CTNNA3: variants seen among roughly 807,000 people sequenced by gnomAD.
The protein encoded by CTNNA3 is catenin alpha-3.
CTNNA3 carries 76 observed loss-of-function variants against 95.7 expected under a neutral mutation model. That is an observed-to-expected ratio of 0.79 (90% confidence interval 0.66 to 0.96). The LOEUF (loss-of-function observed/expected upper bound fraction) is 0.96. CTNNA3 is among the 40% of genes least tolerant of loss of function. CTNNA3 has a pLI of 0.00. For synonymous variants in CTNNA3, 431 were observed against 374.4 expected, an observed-to-expected ratio of 1.15 and a Z score of -1.74; for missense variants, 1,191 against 1,089.8, an observed-to-expected ratio of 1.09 and a Z score of -1.31.
chr10:67,351,183 G>C (rs1328688724), intron 5 of CTNNA3, among the ~76,000 whole-genome samples: 1 of 151,952 alleles, frequency 6.6e-6, no homozygotes, highest in African/African-American at 2.4e-5. Context: ...CAGATGAGTG[G>C]GTGTCAGGTG....
At chr10:67,440,380 C>T (rs1172363043) in intron 5 of CTNNA3, among the ~76,000 whole-genome samples, 1 of 152,162 alleles carries the variant, frequency 6.6e-6, no homozygotes, top group African/African-American at 2.4e-5. Flanking sequence ...GGCTCCTAGA[C>T]AGCATCTCTG....
At chr10:66,811,459 G>A (rs1250650455) in intron 7 of CTNNA3, among the ~76,000 whole-genome samples, 1 of 152,206 alleles carries the variant, frequency 6.6e-6, no homozygotes, top group African/African-American at 2.4e-5. Flanking sequence ...AATCCATATG[G>A]CAGAATGCAT....
At chr10:67,608,330 G>T (rs1843347655) in intron 2 of CTNNA3, among the ~76,000 whole-genome samples, 1 of 152,094 alleles carries the variant, frequency 6.6e-6, no homozygotes, top group Admixed American at 6.6e-5. Flanking sequence ...TCTTAATGTA[G>T]ATTGCTGGCT....
chr10:66,004,108 C>A (rs554852229), intron 15 of CTNNA3, among the ~76,000 whole-genome samples: 14 of 152,244 alleles, frequency 9.2e-5, no homozygotes, highest in Admixed American at 8.5e-4. Flanking sequence ...GTTTTCAGAG[C>A]TAATTAAAAA....
chr10:67,726,454 ATATG>A (rs1841222348), intron 1 of CTNNA3, among the ~76,000 whole-genome samples: 1 of 69,082 alleles, frequency 1.4e-5, no homozygotes, highest in East Asian at 6.1e-4. Flanking sequence ...ATAATATTAT[ATATG>A]ATATATGATA....
chr10:66,088,507 G>GTC (rs1372794550), intron 14 of CTNNA3, among the ~76,000 whole-genome samples: 1 of 150,692 alleles, frequency 6.6e-6, no homozygotes, highest in Non-Finnish European at 1.5e-5. Context: ...GTGTGTGTGT[G>GTC]TGTGTGTGTG....
chr10:66,209,409 T>C lies in CTNNA3; in HGVS notation c.1884+71061A>G, dbSNP rs140637151. ...GATGGGAGTCAGTTACAATTTTAAA[T>C]AGGGAACCTAAGGTACATCTCAATG... On this transcript the variant is annotated intron_variant, in intron 13 of 17. Coordinates refer to ENST00000433211, the MANE Select transcript of CTNNA3 (RefSeq NM_013266.4). Among the ~76,000 whole-genome samples the C allele has an allele frequency of 7.4e-3, 1,133 of 152,252 alleles. 10 individuals are homozygous for C. Among genetic ancestry groups the C allele is most frequent in the African/African-American group, 0.025 (1,052 of 41,568 alleles).
intron 12 of CTNNA3, among the ~76,000 whole-genome samples, chr10:66,367,142 T>C (rs2092715936): frequency 6.6e-6 from 1 of 152,100 alleles, no homozygotes; most frequent in Admixed American, 6.6e-5. Flanking sequence ...AGGATATACG[T>C]CCCACTGATC....
At chr10:66,384,320 T>G (rs180945339) in intron 11 of CTNNA3, among the ~76,000 whole-genome samples, 33 of 152,164 alleles carry the variant, frequency 2.2e-4, no homozygotes, top group Non-Finnish European at 3.5e-4. Flanking sequence ...AAACACACTT[T>G]AAACCAACAA....
At chr10:67,070,098 G>A (rs1306224039) in intron 7 of CTNNA3, among the ~76,000 whole-genome samples, 1 of 152,132 alleles carries the variant, frequency 6.6e-6, no homozygotes, top group Non-Finnish European at 1.5e-5. Context: ...TCTCGTCAGT[G>A]TGTAGTATTA....
At chr10:67,458,306 T>C (rs1391351262) in intron 5 of CTNNA3, among the ~76,000 whole-genome samples, 3 of 152,026 alleles carry the variant, frequency 2.0e-5, no homozygotes, top group Non-Finnish European at 2.9e-5. Flanking sequence ...AGACACATAA[T>C]AAATGCTCTA....
chr10:67,187,155 G>A (rs1246631144), intron 6 of CTNNA3, among the ~76,000 whole-genome samples: 1 of 152,004 alleles, frequency 6.6e-6, no homozygotes, highest in Non-Finnish European at 1.5e-5. Flanking sequence ...AAGTAGCAGA[G>A]GGAAGAGTCT....
rs142194084 is a variant in CTNNA3, at chr10:67,043,668, C to T, written c.1047+136649G>A. On this transcript the variant is annotated intron_variant, in intron 7 of 17. Transcript: ENST00000433211. ...GTTAACACCAATTCTTGCAGTAATG[C>T]CTACCCTTTAATCTCCCACTGCTCC... Among the ~76,000 whole-genome samples the T allele has an allele frequency of 9.2e-4, 140 of 152,138 alleles. 3 individuals carry two copies. Among genetic ancestry groups the T allele is most frequent in the African/African-American group, 3.2e-3 (134 of 41,510 alleles).
intron 7 of CTNNA3, among the ~76,000 whole-genome samples, chr10:66,843,357 G>C (rs1843136136): frequency 6.6e-6 from 1 of 152,136 alleles, no homozygotes. Flanking sequence ...CAACTGGAAA[G>C]CATTTGCATA....
chr10:66,470,911 G>A (rs1839105102), intron 11 of CTNNA3, among the ~76,000 whole-genome samples: 2 of 151,840 alleles, frequency 1.3e-5, no homozygotes, highest in South Asian at 4.1e-4. Context: ...CAAGAAACTT[G>A]TACTGGAAGA....
At position 67,305,969 on chromosome 10, in the gene CTNNA3, G is replaced by A. The variant is rs560053843; in HGVS notation, c.580-86099C>T. Among the ~76,000 whole-genome samples the A allele has an allele frequency of 7.2e-4, 110 of 152,308 alleles. 1 individual carries two copies. Among genetic ancestry groups the A allele is most frequent in the African/African-American group, 2.6e-3 (106 of 41,566 alleles). On this transcript the variant is annotated intron_variant, in intron 5 of 17. Transcript: ENST00000433211. ...CTATGGTATAGGTTGAGTAAATGAGGTCTGAAAAAGAATCAGTGTGCTTGA... is the reference window on the plus strand; with the variant it reads ...CTATGGTATAGGTTGAGTAAATGAGATCTGAAAAAGAATCAGTGTGCTTGA...
At chr10:67,304,669 A>G (rs1840464052) in intron 5 of CTNNA3, among the ~76,000 whole-genome samples, 1 of 152,048 alleles carries the variant, frequency 6.6e-6, no homozygotes, top group Non-Finnish European at 1.5e-5. Context: ...ATCTCACCCA[A>G]TCATTACTTG....
chr10:66,864,446 T>G (rs1308706360), intron 7 of CTNNA3, among the ~76,000 whole-genome samples: 3 of 152,112 alleles, frequency 2.0e-5, no homozygotes, highest in African/African-American at 7.2e-5. Flanking sequence ...TGATATTAGT[T>G]CTCCCATCCT....
In CTNNA3 at chr10:66,379,192, C is replaced by A; in HGVS notation, c.1692G>T (p.Thr564=). ...EMDSYEPGAY[T]EGVMRNVNFL... is the part of the protein sequence containing the mutation. ...AGTTAACATTTCTCATTACACCTTC[C>A]GTGTAAGCCCCTGGCTCGTAACTGT... The change falls in exon 12 of 18, where the codon ACG becomes ACT. Residue 564 remains threonine (T), a synonymous_variant. Transcript: ENST00000433211. 1.2e-6 allele frequency: 2 copies of A among 1,614,086 alleles called. No homozygotes were observed. The highest frequency in any genetic ancestry group is 2.2e-5 in the East Asian group (1 of 44,868).
Sources: allele counts gnomAD v4.1 joint callset (sites outside exome capture counted in the v4.1 genomes callset), GRCh38; gene constraint gnomAD v4.1.1; transcripts MANE v1.5; gene names NCBI Gene and HGNC (gene_info 2026-07-23, HGNC 2026-07-21).